Variants in CHD7 observed in about 807,000 individuals in gnomAD.
CHD7 encodes ATP-dependent chromatin remodeler CHD7.
CHD7 carries 24 observed loss-of-function variants against 307.3 expected under a neutral mutation model. That is an observed-to-expected ratio of 0.08 (90% CI 0.06 to 0.11). CHD7 has a LOEUF of 0.11. Among genes scored for constraint, CHD7 ranks in the 10% least tolerant of loss-of-function variants. The pLI, the probability that CHD7 is intolerant of heterozygous loss-of-function variation, is 1.00. For missense variants in CHD7, 3,106 were observed against 3,727.1 expected (o/e 0.83, Z 4.34); for synonymous variants, 1,363 against 1,349.9 (o/e 1.01, Z -0.21).
intron 28 of CHD7, 60 bp downstream of exon 28, chr8:60,851,379 C>T (rs376389620): frequency 1.4e-5 from 18 of 1,271,916 alleles, no homozygotes; most frequent in African/African-American, 1.0e-4. Flanking sequence ...TCATTGTTCA[C>T]GTGGTAGGGA....
chr8:60,748,765 G>A (rs1436734201), intron 2 of CHD7, among the ~76,000 whole-genome samples: 2 of 152,112 alleles, frequency 1.3e-5, no homozygotes, highest in Non-Finnish European at 2.9e-5. Flanking sequence ...GAATTTTTAG[G>A]ATCTGCAACA....
chr8:60,849,691 T>G (rs1257985503), intron 25 of CHD7, among the ~76,000 whole-genome samples: 6 of 152,174 alleles, frequency 3.9e-5, no homozygotes, highest in African/African-American at 1.4e-4. Flanking sequence ...ATAATCCCAA[T>G]TCTCTGGAGG....
At chr8:60,784,591 G>C (rs1811406513) in intron 3 of CHD7, among the ~76,000 whole-genome samples, 2 of 152,200 alleles carry the variant, frequency 1.3e-5, no homozygotes, top group South Asian at 4.1e-4. Context: ...ACATGTGAAG[G>C]CTGGCCGTTG....
In CHD7 at chr8:60,853,184, T is replaced by G; in HGVS notation, c.6459T>G (p.Thr2153=). Residue 2153 remains threonine, a synonymous_variant, in exon 31 of 38, where the codon ACT becomes ACG. Coordinates refer to ENST00000423902, the MANE Select transcript of CHD7 (RefSeq NM_017780.4). ...LNPLAVGFVQ[T]PPVISSAHIQ... Reference sequence around the variant, plus strand: ...CACTGGCAGTTGGATTTGTCCAGACTCCTCCAGTCATCTCATCTGCTCATA... The same window carrying G: ...CACTGGCAGTTGGATTTGTCCAGACGCCTCCAGTCATCTCATCTGCTCATA... 2 of 1,613,864 alleles carry G rather than the reference T, an allele frequency of 1.2e-6. No individual in the cohort carries two copies. The highest frequency in any genetic ancestry group is 1.7e-6 in the Non-Finnish European group (2 of 1,179,852).
chr8:60,697,532 A>G (rs2150500696), intron 1 of CHD7, among the ~76,000 whole-genome samples: 1 of 152,330 alleles, frequency 6.6e-6, no homozygotes, highest in Admixed American at 6.5e-5. Context: ...AGACTTGAAA[A>G]CCATAGAATC....
At chr8:60,841,608 G>T (rs370162159) in intron 19 of CHD7, 36 bp from the exon 20 acceptor site, 10 of 1,492,324 alleles carry the variant, frequency 6.7e-6, no homozygotes, top group Non-Finnish European at 8.4e-6. Flanking sequence ...TCTGAGAAAG[G>T]CCTCTCAAAG....
intron 3 of CHD7, among the ~76,000 whole-genome samples, chr8:60,785,094 A>G (rs1315699932): frequency 3.3e-5 from 5 of 152,198 alleles, no homozygotes; most frequent in African/African-American, 4.8e-5. Context: ...ATCCTTTTCA[A>G]TGCATTTTCT....
At chr8:60,714,161 G>A (rs11775681) in intron 1 of CHD7, among the ~76,000 whole-genome samples, 1 of 151,954 alleles carries the variant, frequency 6.6e-6, no homozygotes, top group Non-Finnish European at 1.5e-5. Context: ...GAGGACATGA[G>A]GACGGCGAGC....
intron 3 of CHD7, among the ~76,000 whole-genome samples, chr8:60,789,960 G>C (rs1456523150): frequency 1.3e-5 from 2 of 152,186 alleles, no homozygotes; most frequent in South Asian, 2.1e-4. Flanking sequence ...GGTGCCATTG[G>C]GGGTGATTGC....
At chr8:60,699,330 C>G (rs983617658) in intron 1 of CHD7, among the ~76,000 whole-genome samples, 1 of 152,054 alleles carries the variant, frequency 6.6e-6, no homozygotes, top group Non-Finnish European at 1.5e-5. Context: ...AAGGGCATAT[C>G]TATTTTGTTC....
chr8:60,743,482 A>G (rs1809166465), intron 2 of CHD7, among the ~76,000 whole-genome samples: 1 of 152,220 alleles, frequency 6.6e-6, no homozygotes, highest in Admixed American at 6.5e-5. Context: ...GGTTTCTAGC[A>G]AAGATTTATG....
At chr8:60,752,213 C>A (rs1181538777) in intron 2 of CHD7, among the ~76,000 whole-genome samples, 1 of 152,086 alleles carries the variant, frequency 6.6e-6, no homozygotes, top group African/African-American at 2.4e-5. Flanking sequence ...AGGGTGTAAG[C>A]AAGTGTTATT....
chr8:60,707,633 C>A (rs2150518521), intron 1 of CHD7, among the ~76,000 whole-genome samples: 1 of 152,290 alleles, frequency 6.6e-6, no homozygotes, highest in Admixed American at 6.5e-5. Context: ...CACTTGTTTA[C>A]TTTTAATTTA....
At chr8:60,706,907 TG>T (rs1412014106) in intron 1 of CHD7, among the ~76,000 whole-genome samples, 2 of 152,206 alleles carry the variant, frequency 1.3e-5, no homozygotes, top group African/African-American at 4.8e-5. Flanking sequence ...GCCATGTTGG[TG>T]TGCCGCACCC....
At chr8:60,702,437 T>C (rs1806810935) in intron 1 of CHD7, among the ~76,000 whole-genome samples, 1 of 152,232 alleles carries the variant, frequency 6.6e-6, no homozygotes, top group Admixed American at 6.5e-5. Flanking sequence ...TTATAGCTCT[T>C]GTTTTGGTTT....
intron 33 of CHD7, 69 bp from the exon 34 acceptor site, chr8:60,856,376 A>G (rs2129645488): frequency 7.0e-7 from 1 of 1,434,070 alleles, no homozygotes; most frequent in East Asian, 2.4e-5. Flanking sequence ...CCTTATTTCT[A>G]AAAGCCAGCC....
At chr8:60,825,765 T>G (rs1804229952) in intron 13 of CHD7, among the ~76,000 whole-genome samples, 1 of 152,232 alleles carries the variant, frequency 6.6e-6, no homozygotes, top group African/African-American at 2.4e-5. Flanking sequence ...AGTAAATTCT[T>G]ACTGTAAAAC....
At chr8:60,772,443 A>T (rs1374419019) in intron 2 of CHD7, among the ~76,000 whole-genome samples, 1 of 152,216 alleles carries the variant, frequency 6.6e-6, no homozygotes, top group East Asian at 1.9e-4. Flanking sequence ...CAAATTCTGC[A>T]TTTCTTCTTT....
At chr8:60,841,493 G>T (rs778052514) in intron 19 of CHD7, 151 bp from the exon 20 acceptor site, 2 of 643,076 alleles carry the variant, frequency 3.1e-6, no homozygotes, top group African/African-American at 3.6e-5. Context: ...GCTGCCTGAG[G>T]GCCAGTCTGT....
Sources: gnomAD v4.1 joint callset for allele counts (sites outside exome capture counted in the v4.1 genomes callset) on GRCh38, gnomAD v4.1.1 for gene constraint, MANE v1.5 for transcripts, NCBI Gene and HGNC (gene_info 2026-07-23, HGNC 2026-07-21) for gene names.